Variants in HOMER1 observed in about 807,000 individuals in gnomAD.
HOMER1 encodes the protein homer scaffold protein 1, also known as homer protein homolog 1.
Under a neutral mutation model 48.9 loss-of-function variants are expected in HOMER1, and 3 were observed. The ratio of observed to expected loss-of-function variants is 0.06; its 90% CI spans 0.03 to 0.16. The LOEUF is 0.16. HOMER1 is among the 10% of genes least tolerant of loss of function. HOMER1 has a pLI of 1.00. For synonymous variants in HOMER1, 134 were observed against 146.4 expected, an observed-to-expected ratio of 0.92 and a Z score of 0.61; for missense variants, 247 against 411.4, an observed-to-expected ratio of 0.60 and a Z score of 3.46.
chr5:79,412,571 T>G (rs1170971246), intron 5 of HOMER1, among the ~76,000 whole-genome samples: 2 of 152,160 alleles, frequency 1.3e-5, no homozygotes, highest in Non-Finnish European at 2.9e-5. Context: ...GCAAGAAGAC[T>G]TGAAAACTGA....
chr5:79,477,253 TTA>T (rs1751807084), intron 1 of HOMER1, among the ~76,000 whole-genome samples: 1 of 152,266 alleles, frequency 6.6e-6, no homozygotes, highest in African/African-American at 2.4e-5. Context: ...ACGTTAAGAA[TTA>T]GTTATAATCC....
chr5:79,453,160 TA>T (rs1488053373), intron 2 of HOMER1, among the ~76,000 whole-genome samples: 1 of 152,198 alleles, frequency 6.6e-6, no homozygotes, highest in East Asian at 1.9e-4. Flanking sequence ...GTAAGTACTA[TA>T]AAGACCAGGA....
chr5:79,456,920 G>A lies in HOMER1; in HGVS notation c.104C>T (p.Ser35Phe), dbSNP rs1468407761. 1.2e-6 allele frequency: 2 copies of A among 1,614,002 alleles called. No individual in the cohort carries two copies. Among genetic ancestry groups the A allele is most frequent in the Non-Finnish European group, 8.5e-7 (1 of 1,179,894 alleles). Residue 35 changes from serine (S) to phenylalanine (F), a missense_variant, in exon 2 of 9, where the codon TCT becomes TTT. Ser to Phe is a radical substitution (Grantham distance 155). Coordinates refer to ENST00000334082, the MANE Select transcript of HOMER1 (RefSeq NM_004272.5). The stretch of plus-strand genomic sequence containing the variant: ...ATTTCTTGTGCTGTCATAGAAATAA[G>A]ACACAGTAACTGCATGCTTGCTGGT... ...VPTSKHAVTV[S>F]YFYDSTRNVY...
chr5:79,399,647 G>A (rs1464934251), intron 6 of HOMER1, among the ~76,000 whole-genome samples: 1 of 152,034 alleles, frequency 6.6e-6, no homozygotes, highest in Non-Finnish European at 1.5e-5. Flanking sequence ...CCAAATAACT[G>A]CCTGTTGAAA....
intron 3 of HOMER1, among the ~76,000 whole-genome samples, chr5:79,449,757 G>A (rs1400914247): frequency 6.6e-6 from 1 of 152,186 alleles, no homozygotes; most frequent in Admixed American, 6.5e-5. Context: ...TTAAAGGCAT[G>A]AGCCACTGTG....
At chr5:79,401,641 GTGCATTAC>G (rs1749539150) in intron 6 of HOMER1, among the ~76,000 whole-genome samples, 1 of 152,062 alleles carries the variant, frequency 6.6e-6, no homozygotes, top group African/African-American at 2.4e-5. Flanking sequence ...TTATGTACTT[GTGCATTAC>G]TGCTAGTCCC....
intron 1 of HOMER1, among the ~76,000 whole-genome samples, chr5:79,500,952 T>TGTGA (rs750225307): frequency 4.6e-5 from 5 of 108,560 alleles, no homozygotes; most frequent in African/African-American, 2.3e-4. Flanking sequence ...TGTGTGTGTG[T>TGTGA]GAGACAGACA....
chr5:79,503,534 GAAA>G (rs751672080), intron 1 of HOMER1, among the ~76,000 whole-genome samples: 130 of 17,350 alleles, frequency 7.5e-3, no homozygotes, highest in Non-Finnish European at 9.1e-3. Context: ...GTCACAAAGA[GAAA>G]AAAAAAAAAA....
chr5:79,425,343 G>A (rs1427973928), intron 5 of HOMER1, among the ~76,000 whole-genome samples: 1 of 151,688 alleles, frequency 6.6e-6, no homozygotes, highest in Admixed American at 6.6e-5. Flanking sequence ...AAAGAGTCCA[G>A]CTTTTCCATA....
intron 2 of HOMER1, among the ~76,000 whole-genome samples, chr5:79,456,014 G>T (rs1342257767): frequency 2.0e-5 from 3 of 152,036 alleles, no homozygotes; most frequent in Non-Finnish European, 4.4e-5. Context: ...AATTATCCAG[G>T]CATGGAGGCG....
intron 6 of HOMER1, 92 bp downstream of exon 6, chr5:79,401,807 A>C: frequency 8.3e-7 from 1 of 1,199,256 alleles, no homozygotes; most frequent in Non-Finnish European, 1.2e-6. Context: ...TAGAACTAGA[A>C]GATATCCCTG....
At chr5:79,503,532 GAGAAAAAAA>G (rs1308926370) in intron 1 of HOMER1, among the ~76,000 whole-genome samples, 1 of 94,026 alleles carries the variant, frequency 1.1e-5, no homozygotes, top group African/African-American at 3.7e-5. Context: ...CTGTCACAAA[GAGAAAAAAA>G]AAAAAAAAAA....
chr5:79,448,478 G>A lies in HOMER1; in HGVS notation c.295-1333C>T, dbSNP rs533091775. 3.9e-5 allele frequency among the ~76,000 whole-genome samples: 6 copies of A among 152,204 alleles called. No individual in the cohort carries two copies. In the South Asian group the frequency reaches 1.0e-3, roughly 26 times the overall value. On this transcript the variant is annotated intron_variant, in intron 3 of 8. Transcript: ENST00000334082. ...TCCCATAATAACAAAATACAGCTTA[G>A]TAAGCACTCTAACAATCCAAGCATA... is the stretch of plus-strand genomic sequence containing the variant.
chr5:79,375,438 C>A lies in HOMER1; in HGVS notation c.*571G>T, dbSNP rs1580406656. 6.6e-6 allele frequency: 1 copy of A among 152,090 alleles called. No homozygotes were observed. Among genetic ancestry groups the A allele is most frequent in the African/African-American group, 2.4e-5 (1 of 41,500 alleles). The allele number at this position is 152,090 out of a possible 1,614,324, so 9.4% of individuals were successfully genotyped here. A position where few individuals can be genotyped will look rare whatever the true frequency, so the allele number is the denominator to read the frequency against. On this transcript the variant is annotated 3_prime_UTR_variant, in exon 9 of 9. Transcript: ENST00000334082. ...ACAAAAAAGGGAAGAACTCTATACA[C>A]CCAGTTATAGTATATTTCAATTAAA... is the stretch of plus-strand genomic sequence containing the variant.
intron 1 of HOMER1, among the ~76,000 whole-genome samples, chr5:79,502,545 A>G (rs183491266): frequency 6.6e-6 from 1 of 152,258 alleles, no homozygotes; most frequent in Admixed American, 6.5e-5. Flanking sequence ...AGTCTCTTTC[A>G]AACGTTTTTA....
At chr5:79,399,161 TAA>T (rs1451314395) in intron 6 of HOMER1, among the ~76,000 whole-genome samples, 1 of 152,216 alleles carries the variant, frequency 6.6e-6, no homozygotes, top group Non-Finnish European at 1.5e-5. Flanking sequence ...GGGCAAAATG[TAA>T]AAGTCAACTG....
chr5:79,476,126 A>G (rs1751770847), intron 1 of HOMER1, among the ~76,000 whole-genome samples: 1 of 152,180 alleles, frequency 6.6e-6, no homozygotes, highest in South Asian at 2.1e-4. Flanking sequence ...AGTCATCAAC[A>G]TTGCTCAGGA....
rs908621933 is a variant in HOMER1 at position 79,418,144 on chromosome 5, C to A, written c.528-16089G>T. On this transcript the variant is annotated intron_variant, in intron 5 of 8. Transcript: ENST00000334082. ...GTGGCAGAATCATCCCTACCAACTT[C>A]ATTTATTAAATGCACATATAAGCTA... Among the ~76,000 whole-genome samples the A allele has an allele frequency of 2.6e-4, 39 of 152,206 alleles. 1 individual carries two copies. The highest frequency in any genetic ancestry group is 8.8e-5 in the Non-Finnish European group (6 of 68,024).
chr5:79,375,209 C>G lies in HOMER1; in HGVS notation c.*800G>C, dbSNP rs2112178223. On this transcript the variant is annotated 3_prime_UTR_variant, in exon 9 of 9. Transcript: ENST00000334082. The stretch of plus-strand genomic sequence containing the variant: ...GCTGCTGTATTTCAGTACTGTGTGT[C>G]AAATTTATTAGAAACTTAAAAAGAA... The G allele has an allele frequency of 6.6e-6, 1 of 152,116 alleles. No individual in the cohort carries two copies. Among genetic ancestry groups the G allele is most frequent in the Admixed American group, 6.5e-5 (1 of 15,272 alleles). The allele number at this position is 152,116 out of a possible 1,614,324, so 9.4% of individuals were successfully genotyped here.
Sources: allele counts gnomAD v4.1 joint callset (sites outside exome capture counted in the v4.1 genomes callset), GRCh38; gene constraint gnomAD v4.1.1; transcripts MANE v1.5; gene names NCBI Gene and HGNC (gene_info 2026-07-23, HGNC 2026-07-21).